Variants in HIPK2 observed in about 807,000 individuals in gnomAD.
HIPK2 encodes the protein homeodomain interacting protein kinase 2.
HIPK2 carries 27 observed loss-of-function variants against 113.7 expected under a neutral mutation model. The observed-to-expected ratio is 0.24, with a 90% CI of 0.17 to 0.33. The LOEUF (loss-of-function observed/expected upper bound fraction) is 0.33, where lower values mean the gene tolerates loss of function less well. HIPK2 is among the 10% of genes least tolerant of loss of function. The pLI, the probability that HIPK2 is intolerant of heterozygous loss-of-function variation, is 1.00. For missense variants in HIPK2, 1,257 were observed against 1,588.0 expected (o/e 0.79, Z 3.54); for synonymous variants, 631 against 642.2 (o/e 0.98, Z 0.26).
rs1044815703 is a variant in HIPK2 at position 139,630,689 on chromosome 7, C to T, written c.1347+476G>A. Among the ~76,000 whole-genome samples the T allele has an allele frequency of 3.9e-5, 6 of 152,362 alleles. No individual in the cohort carries two copies. Among genetic ancestry groups the T allele is most frequent in the East Asian group, 1.9e-4 (1 of 5,188 alleles). ...CTGGGATTACAGGCGTGAGCCACCA[C>T]GCTCCCTCTTCATTCTTTAGGGCCC... On this transcript the variant is annotated intron_variant, in intron 4 of 14. Coordinates refer to ENST00000406875, the MANE Select transcript of HIPK2 (RefSeq NM_022740.5). This position sits in a 1 kb window ranked among gnomAD's most constrained non-coding sequence, Gnocchi z 4.0.
intron 1 of HIPK2, among the ~76,000 whole-genome samples, chr7:139,729,107 T>C (rs1046163592): frequency 2.6e-5 from 4 of 152,104 alleles, no homozygotes; most frequent in African/African-American, 7.2e-5. Flanking sequence ...GTGGACTGCT[T>C]GAGCCCAGAA....
chr7:139,661,625 T>C (rs1217033872), intron 2 of HIPK2, among the ~76,000 whole-genome samples: 1 of 152,222 alleles, frequency 6.6e-6, no homozygotes, highest in African/African-American at 2.4e-5. Flanking sequence ...TTATCTCCCT[T>C]GTGCTAATCA....
intron 2 of HIPK2, among the ~76,000 whole-genome samples, chr7:139,693,134 T>C (rs1296761440): frequency 1.3e-5 from 2 of 152,218 alleles, no homozygotes; most frequent in Non-Finnish European, 2.9e-5. Context: ...CTCTATCACT[T>C]AGTGATTATA....
chr7:139,578,761 C>T (rs942847504), intron 13 of HIPK2, among the ~76,000 whole-genome samples: 2 of 152,194 alleles, frequency 1.3e-5, no homozygotes, highest in Non-Finnish European at 2.9e-5. Flanking sequence ...ACCTCTGCCT[C>T]CCAGGTTCAA....
Position 139,620,435 on chromosome 7 carries a change from G to A in HIPK2, c.1748C>T (p.Thr583Ile). 1 of 1,613,954 alleles carries A rather than the reference G, an allele frequency of 6.2e-7. No homozygotes were observed. Among genetic ancestry groups the A allele is most frequent in the Non-Finnish European group, 8.5e-7 (1 of 1,179,884 alleles). Reference protein sequence around the residue: ...APSTSTNLTMTFNNQLTTVHN... With the variant: ...APSTSTNLTMIFNNQLTTVHN... Reference sequence around the variant, plus strand: ...GACAGTGGTCAGCTGGTTGTTAAAGGTCATGGTCAGGTTGGTGGACGTGCT... The same window carrying A: ...GACAGTGGTCAGCTGGTTGTTAAAGATCATGGTCAGGTTGGTGGACGTGCT... The change falls in exon 7 of 15, where the codon ACC (threonine) becomes ATC (isoleucine). Residue 583 changes from threonine (T) to isoleucine (I), a missense_variant. Thr to Ile is a moderately conservative substitution (Grantham distance 89). Transcript: ENST00000406875.
chr7:139,753,623 C>A (rs1027951944), intron 1 of HIPK2, among the ~76,000 whole-genome samples: 9 of 152,202 alleles, frequency 5.9e-5, no homozygotes, highest in African/African-American at 2.2e-4. Context: ...ACCAGCTTGC[C>A]TGTTATTGAG....
chr7:139,572,072 G>C lies in HIPK2; in HGVS notation c.*855C>G, dbSNP rs1798301007. On this transcript the variant is annotated 3_prime_UTR_variant, in exon 15 of 15. Coordinates refer to ENST00000406875, the MANE Select transcript of HIPK2 (RefSeq NM_022740.5). ...TGTCTGTGACGACCGCTAGCCCTAC[G>C]CTACGCGACTAGGGGTGGATTCAAA... 1 of 152,242 alleles carries C rather than the reference G, an allele frequency of 6.6e-6. No homozygotes were observed. Among genetic ancestry groups the C allele is most frequent in the Non-Finnish European group, 1.5e-5 (1 of 68,052 alleles). 9.4% of individuals were successfully genotyped at this position (152,242 alleles called of 1,614,324 possible).
intron 1 of HIPK2, among the ~76,000 whole-genome samples, chr7:139,757,968 T>C (rs1281662271): frequency 6.6e-6 from 1 of 152,190 alleles, no homozygotes; most frequent in East Asian, 1.9e-4. Context: ...ATACAACCTA[T>C]ATACAGAAAA....
chr7:139,777,043 C>T (rs1796776326), intron 1 of HIPK2: 1 of 152,214 alleles, frequency 6.6e-6, no homozygotes, highest in Admixed American at 6.6e-5. Context: ...GAGATTTTCG[C>T]CTATTTCATT....
At chr7:139,604,290 C>A in intron 9 of HIPK2, 67 bp from the exon 10 acceptor site, 6 of 1,547,060 alleles carry the variant, frequency 3.9e-6, no homozygotes, top group Non-Finnish European at 4.4e-6. Flanking sequence ...CATGAACCCA[C>A]ACTTATTCTG....
At chr7:139,671,700 G>A (rs998641331) in intron 2 of HIPK2, among the ~76,000 whole-genome samples, 7 of 152,056 alleles carry the variant, frequency 4.6e-5, no homozygotes, top group Non-Finnish European at 7.4e-5. Context: ...ACAGGCGCAC[G>A]CCACCACCCC....
At position 139,716,362 on chromosome 7, in the gene HIPK2, C is replaced by A; in HGVS notation, c.673G>T (p.Val225Leu). The A allele has an allele frequency of 6.2e-7, 1 of 1,614,116 alleles. No homozygotes were observed. The highest frequency in any genetic ancestry group is 8.5e-7 in the Non-Finnish European group (1 of 1,180,018). ...TGGTTCTTCAGGATCTTGATGGCTACGATCTCATTGGTGCCCCGTTTCCAG... is the reference window on the plus strand; with the variant it reads ...TGGTTCTTCAGGATCTTGATGGCTAAGATCTCATTGGTGCCCCGTTTCCAG... ...KCWKRGTNEI[V>L]AIKILKNHPS... Residue 225 changes from valine to leucine, a missense_variant, in exon 2 of 15, where the codon GTA (valine) becomes TTA (leucine). Physicochemically the swap from Val to Leu is conservative, Grantham distance 32. Coordinates refer to ENST00000406875, the MANE Select transcript of HIPK2 (RefSeq NM_022740.5). This position sits in a 1 kb window ranked among gnomAD's most constrained non-coding sequence, Gnocchi z 9.3.
At chr7:139,644,524 A>G (rs908051757) in intron 2 of HIPK2, among the ~76,000 whole-genome samples, 1 of 152,258 alleles carries the variant, frequency 6.6e-6, no homozygotes, top group Non-Finnish European at 1.5e-5. Context: ...ATCCCAACAC[A>G]GTGGCTGAGA....
intron 11 of HIPK2, among the ~76,000 whole-genome samples, chr7:139,597,910 G>A (rs998954373): frequency 2.6e-5 from 4 of 152,024 alleles, no homozygotes; most frequent in African/African-American, 7.3e-5. Context: ...GAAGTGTTTC[G>A]GATTTTTGTT....
At chr7:139,757,970 T>C (rs1025939916) in intron 1 of HIPK2, among the ~76,000 whole-genome samples, 1 of 152,194 alleles carries the variant, frequency 6.6e-6, no homozygotes, top group Non-Finnish European at 1.5e-5. Context: ...ACAACCTATA[T>C]ACAGAAAACT....
chr7:139,662,230 CTA>C (rs1232196996), intron 2 of HIPK2, among the ~76,000 whole-genome samples: 3 of 152,222 alleles, frequency 2.0e-5, no homozygotes, highest in East Asian at 3.8e-4. Context: ...ACTCTCCAAT[CTA>C]TGTTTCTCCA....
chr7:139,712,675 C>A (rs142901350), intron 2 of HIPK2, among the ~76,000 whole-genome samples: 1 of 152,204 alleles, frequency 6.6e-6, no homozygotes, highest in Non-Finnish European at 1.5e-5. Context: ...TGGGCCTTAA[C>A]GATGGACAAT....
chr7:139,752,520 C>T (rs1316301710), intron 1 of HIPK2, among the ~76,000 whole-genome samples: 1 of 152,110 alleles, frequency 6.6e-6, no homozygotes, highest in Non-Finnish European at 1.5e-5. Context: ...TTCTGAACTG[C>T]TGGAAACCAA....
intron 2 of HIPK2, among the ~76,000 whole-genome samples, chr7:139,702,104 C>T (rs1446264131): frequency 1.3e-5 from 2 of 152,182 alleles, no homozygotes; most frequent in African/African-American, 2.4e-5. Flanking sequence ...GGCAGTCCCT[C>T]CCAGTGCTGC....
Sources: gnomAD v4.1 joint callset for allele counts (sites outside exome capture counted in the v4.1 genomes callset) on GRCh38, gnomAD v4.1.1 for gene constraint, Gnocchi (gnomAD v3.1) non-coding constraint, MANE v1.5 for transcripts, NCBI Gene and HGNC (gene_info 2026-07-23, HGNC 2026-07-21) for gene names.